The following ELAVL1 variants were observed in gnomAD, a reference collection of about 807,000 sequenced individuals.
ELAVL1 encodes the protein ELAV-like protein 1.
Under a neutral mutation model 28.4 loss-of-function variants are expected in ELAVL1, and 1 was observed. That is an observed-to-expected ratio of 0.04 (90% CI 0.01 to 0.17). The LOEUF is 0.17. Among genes scored for constraint, ELAVL1 ranks in the 10% least tolerant of loss-of-function variants. The pLI, the probability that ELAVL1 is intolerant of heterozygous loss-of-function variation, is 1.00. For synonymous variants in ELAVL1, 174 were observed against 183.5 expected (o/e 0.95, Z 0.42); for missense variants, 157 against 447.2 (o/e 0.35, Z 5.85).
rs181345375 is a variant in ELAVL1, at chr19:7,975,038, G to A, written c.277-1160C>T. 1.4e-4 allele frequency among the ~76,000 whole-genome samples: 22 copies of A among 152,268 alleles called. No individual in the cohort carries two copies. In the East Asian group the frequency reaches 4.1e-3, roughly 28 times the overall value. On this transcript the variant is annotated intron_variant, in intron 3 of 5. Transcript: ENST00000407627. ...GGGAATCGAGGGAGCATGTCACTAC[G>A]GAGCCCATGAGGTCTCTGGGGAAGC...
intron 4 of ELAVL1, among the ~76,000 whole-genome samples, chr19:7,971,628 C>A (rs894151604): frequency 2.0e-5 from 3 of 152,258 alleles, no homozygotes; most frequent in African/African-American, 7.2e-5. Flanking sequence ...ACCCTCTCCC[C>A]AGAGCAAAGG....
At chr19:7,999,653 G>A (rs1223868488) in intron 1 of ELAVL1, among the ~76,000 whole-genome samples, 1 of 152,200 alleles carries the variant, frequency 6.6e-6, no homozygotes, top group Admixed American at 6.5e-5. Flanking sequence ...CATGATCACG[G>A]CTCACTGCAG....
chr19:7,988,058 A>G (rs1280677968), intron 2 of ELAVL1, among the ~76,000 whole-genome samples: 3 of 152,240 alleles, frequency 2.0e-5, no homozygotes, highest in Non-Finnish European at 2.9e-5. Context: ...GCAGGCCACC[A>G]GCAGTGGTGT....
At chr19:7,990,244 A>C (rs1303696456) in intron 2 of ELAVL1, among the ~76,000 whole-genome samples, 1 of 151,024 alleles carries the variant, frequency 6.6e-6, no homozygotes, top group East Asian at 1.9e-4. Context: ...CTGGTCTCGA[A>C]CTCCTGACCT....
chr19:7,988,207 G>A (rs930957800), intron 2 of ELAVL1, among the ~76,000 whole-genome samples: 1 of 152,194 alleles, frequency 6.6e-6, no homozygotes, highest in East Asian at 1.9e-4. Flanking sequence ...CTAAGGTGGG[G>A]ACAACTGGAA....
At chr19:7,978,356 C>T (rs982615794) in intron 3 of ELAVL1, among the ~76,000 whole-genome samples, 3 of 151,874 alleles carry the variant, frequency 2.0e-5, no homozygotes, top group Admixed American at 6.6e-5. Flanking sequence ...GTGAGCTGGG[C>T]GATACCGGCC....
chr19:7,977,768 G>C (rs1985340322), intron 3 of ELAVL1, among the ~76,000 whole-genome samples: 1 of 152,284 alleles, frequency 6.6e-6, no homozygotes, highest in Admixed American at 6.5e-5. Flanking sequence ...TCTCTGTGCA[G>C]GGCTGGGGCC....
chr19:7,980,589 C>T (rs1985432718), intron 3 of ELAVL1, among the ~76,000 whole-genome samples: 1 of 152,164 alleles, frequency 6.6e-6, no homozygotes, highest in Non-Finnish European at 1.5e-5. Context: ...AGTCACCTGC[C>T]GCTGTGAAGC....
intron 2 of ELAVL1, 127 bp downstream of exon 2, chr19:7,991,517 C>T: frequency 3.2e-6 from 3 of 938,582 alleles, no homozygotes; most frequent in Admixed American, 2.6e-5. Context: ...AATGAAACTT[C>T]ACAGCCATCG....
chr19:8,003,950 C>G (rs2081078155), intron 1 of ELAVL1, among the ~76,000 whole-genome samples: 1 of 152,118 alleles, frequency 6.6e-6, no homozygotes, highest in South Asian at 2.1e-4. Flanking sequence ...AGGAGCAGTA[C>G]AATCGAGTGG....
intron 3 of ELAVL1, among the ~76,000 whole-genome samples, 164 bp from the exon 4 acceptor site, chr19:7,974,042 G>A (rs952076235): frequency 6.6e-6 from 1 of 152,268 alleles, no homozygotes; most frequent in African/African-American, 2.4e-5. Context: ...ATGGTGGCAA[G>A]CTCACTGAGG....
rs750293457 is a variant in ELAVL1 at position 7,967,590 on chromosome 19, C to T, written c.631G>A (p.Val211Ile). 18 of 1,613,868 alleles carry T rather than the reference C, an allele frequency of 1.1e-5. No homozygotes were observed. In the Admixed American group the frequency reaches 2.5e-4, roughly 22 times the overall value. Residue 211 changes from valine (V) to isoleucine (I), a missense_variant, in exon 5 of 6, where the codon GTT (valine) becomes ATT (isoleucine). Coordinates refer to ENST00000407627, the MANE Select transcript of ELAVL1 (RefSeq NM_001419.3). Reference protein sequence around the residue: ...HSPARRFGGPVHHQAQRFRFS... With the variant: ...HSPARRFGGPIHHQAQRFRFS... ...CTGAATCTCTGCGCCTGGTGGTGAACGGGGCCTCCGAACCGTCGCGCTGGC... is the reference window on the plus strand; with the variant it reads ...CTGAATCTCTGCGCCTGGTGGTGAATGGGGCCTCCGAACCGTCGCGCTGGC...
In ELAVL1 at chr19:7,991,741, G is replaced by A. The variant is rs866942721; in HGVS notation, c.75C>T (p.Asn25=). 1.2e-6 allele frequency: 2 copies of A among 1,614,184 alleles called. No homozygotes were observed. The highest frequency in any genetic ancestry group is 1.7e-6 in the Non-Finnish European group (2 of 1,180,038). Reference sequence around the variant, plus strand: ...CCTGGGTCATGTTCTGAGGGAGGTAGTTGACGATCAAATTCGTTCTCCCGA... The same window carrying A: ...CCTGGGTCATGTTCTGAGGGAGGTAATTGACGATCAAATTCGTTCTCCCGA... The part of the protein sequence containing the change: ...GDIGRTNLIV[N]YLPQNMTQDE... The change falls in exon 2 of 6, where the codon AAC becomes AAT. Residue 25 remains asparagine, a synonymous_variant. Coordinates refer to ENST00000407627, the MANE Select transcript of ELAVL1 (RefSeq NM_001419.3).
chr19:7,993,340 T>C (rs1030558536), intron 1 of ELAVL1, among the ~76,000 whole-genome samples: 5 of 152,174 alleles, frequency 3.3e-5, no homozygotes, highest in African/African-American at 9.7e-5. Flanking sequence ...CCAGAGCCTG[T>C]GGGGTGTACC....
At chr19:7,978,957 C>T (rs1235123958) in intron 3 of ELAVL1, among the ~76,000 whole-genome samples, 1 of 152,192 alleles carries the variant, frequency 6.6e-6, no homozygotes, top group African/African-American at 2.4e-5. Flanking sequence ...ACAGATCAGT[C>T]ACCTTTAAAC....
intron 1 of ELAVL1, among the ~76,000 whole-genome samples, chr19:8,005,121 C>A (rs1389817796): frequency 1.3e-5 from 2 of 152,156 alleles, no homozygotes; most frequent in Non-Finnish European, 2.9e-5. Flanking sequence ...GGGCCGTGAC[C>A]TCTGCGCGCT....
chr19:7,995,239 T>C (rs538925963), intron 1 of ELAVL1, among the ~76,000 whole-genome samples: 1 of 152,342 alleles, frequency 6.6e-6, no homozygotes, highest in East Asian at 1.9e-4. Flanking sequence ...CACTGAAGAA[T>C]TAAAATGCAC....
In ELAVL1 at chr19:7,963,321, C is replaced by T; in HGVS notation, c.*162G>A. On this transcript the variant is annotated 3_prime_UTR_variant, in exon 6 of 6. Coordinates refer to ENST00000407627, the MANE Select transcript of ELAVL1 (RefSeq NM_001419.3). This position sits in a 1 kb window ranked among gnomAD's most constrained non-coding sequence, Gnocchi z 4.5. The stretch of plus-strand genomic sequence containing the variant: ...CATTGTGGGATTTCAAACATTTGAA[C>T]ATGTCGGTTGCATCCCAGAGTATAA... 1 of 755,806 alleles carries T rather than the reference C, an allele frequency of 1.3e-6. No individual in the cohort carries two copies. The highest frequency in any genetic ancestry group is 2.1e-6 in the Non-Finnish European group (1 of 478,390). 46.8% of individuals were successfully genotyped at this position (755,806 alleles called of 1,614,324 possible).
At position 7,980,925 on chromosome 19, in the gene ELAVL1, G is replaced by T. The variant is rs181224103; in HGVS notation, c.276+158C>A. Among the ~76,000 whole-genome samples the T allele has an allele frequency of 1.7e-3, 254 of 152,278 alleles. 1 individual carries two copies. The highest frequency in any genetic ancestry group is 5.4e-3 in the African/African-American group (223 of 41,552). ...GTGGGTCCTGAGACACTCATGTAAG[G>T]CCTGGGTCAGATACACCTGACCAGG... On this transcript the variant is annotated intron_variant, in intron 3 of 5. Coordinates refer to ENST00000407627, the MANE Select transcript of ELAVL1 (RefSeq NM_001419.3).
Sources: allele counts gnomAD v4.1 joint callset (sites outside exome capture counted in the v4.1 genomes callset), GRCh38; gene constraint gnomAD v4.1.1; non-coding constraint Gnocchi (gnomAD v3.1); transcripts MANE v1.5; gene names NCBI Gene and HGNC (gene_info 2026-07-23, HGNC 2026-07-21).